Variants in IL1B observed in about 807,000 individuals in gnomAD.
IL1B encodes interleukin 1 beta.
In IL1B, 11 loss-of-function variants were observed where a neutral mutation model predicts 26.2. The observed-to-expected ratio is 0.42, with a 90% confidence interval of 0.26 to 0.70. The LOEUF is 0.70. IL1B is among the 30% of genes least tolerant of loss of function. The probability of loss-of-function intolerance (pLI) is 0.25; values close to 1 mark genes in which losing one functional copy is unlikely to be tolerated. For synonymous variants in IL1B, 118 were observed against 120.8 expected (o/e 0.98, Z 0.15); for missense variants, 255 against 327.5 (o/e 0.78, Z 1.71).
chr2:112,836,704 A>T lies in IL1B; in HGVS notation c.-16+4T>A. ...CCTAGTTGTAAGGAAGATTAAAGTC[A>T]TACTTGAGCAATGAAGATTGGCTGA... On this transcript the variant is annotated splice_donor_region_variant and intron_variant, in intron 1 of 6. Transcript: ENST00000263341. The T allele has an allele frequency of 5.9e-6, 1 of 169,674 alleles. No individual in the cohort carries two copies. Among genetic ancestry groups the T allele is most frequent in the Non-Finnish European group, 1.3e-5 (1 of 77,176 alleles). 10.5% of individuals were successfully genotyped at this position (169,674 alleles called of 1,614,324 possible).
intron 3 of IL1B, chr2:112,835,291 G>T: frequency 3.8e-6 from 2 of 522,112 alleles, no homozygotes; most frequent in Non-Finnish European, 7.0e-6. Flanking sequence ...TTGAAGACTT[G>T]GTTGTCTTCC....
At chr2:112,834,507 G>T (rs545364657) in intron 3 of IL1B, among the ~76,000 whole-genome samples, 3 of 152,320 alleles carry the variant, frequency 2.0e-5, no homozygotes, top group South Asian at 4.1e-4. Context: ...TGGTTCAAAG[G>T]CTTGAAAGAC....
rs3917360 is a variant in IL1B at position 112,832,174 on chromosome 2, G to A, written c.466+488C>T. 7.2e-3 allele frequency among the ~76,000 whole-genome samples: 1,091 copies of A among 152,232 alleles called. 8 individuals are homozygous for A. Among genetic ancestry groups the A allele is most frequent in the African/African-American group, 0.025 (1,029 of 41,526 alleles). The stretch of plus-strand genomic sequence containing the variant: ...ACTTGAAACTTTTGCCCGTTACAGC[G>A]GAGAGATATAAGTTCCTGCTGGGCG... On this transcript the variant is annotated intron_variant, in intron 5 of 6. Transcript: ENST00000263341.
Position 112,831,346 on chromosome 2 carries a change from C to A in IL1B, c.543G>T (p.Lys181Asn). Reference sequence around the variant, plus strand: ...TCAACACGCAGGACAGGTACAGATTCTTTTCCTTGAGGCCCAAGGCCACAG... The same window carrying A: ...TCAACACGCAGGACAGGTACAGATTATTTTCCTTGAGGCCCAAGGCCACAG... ...KIPVALGLKE[K>N]NLYLSCVLKD... Residue 181 changes from lysine (K) to asparagine (N), a missense_variant, in exon 6 of 7, where the codon AAG (lysine) becomes AAT (asparagine). By Grantham distance (94) the Lys-to-Asn change is moderately conservative. Coordinates refer to ENST00000263341, the MANE Select transcript of IL1B (RefSeq NM_000576.3). 1.9e-6 allele frequency: 3 copies of A among 1,614,040 alleles called. No individual in the cohort carries two copies. Among genetic ancestry groups the A allele is most frequent in the South Asian group, 1.1e-5 (1 of 91,076 alleles).
intron 4 of IL1B, 135 bp downstream of exon 4, chr2:112,833,239 C>G (rs1037317081): frequency 6.2e-6 from 5 of 800,274 alleles, no homozygotes; most frequent in Non-Finnish European, 1.1e-5. Flanking sequence ...TGGTTTCCAG[C>G]CTTCTTTGTT....
In IL1B at chr2:112,833,593, G is replaced by A. The variant is rs758284106; in HGVS notation, c.100-18C>T. 6.2e-7 allele frequency: 1 copy of A among 1,611,962 alleles called. No individual in the cohort carries two copies. The highest frequency in any genetic ancestry group is 1.1e-5 in the South Asian group (1 of 91,046). On this transcript the variant is annotated intron_variant, in intron 3 of 6. Coordinates refer to ENST00000263341, the MANE Select transcript of IL1B (RefSeq NM_000576.3). Reference sequence around the variant, plus strand: ...AAGGAGCACTGCGGAGAGAGCGAGGGAGGGAGCCTGGTGAGGTGGTCCTGC... The same window carrying A: ...AAGGAGCACTGCGGAGAGAGCGAGGAAGGGAGCCTGGTGAGGTGGTCCTGC...
At chr2:112,836,503 C>T (rs1682093434) in intron 1 of IL1B, 2 of 413,922 alleles carry the variant, frequency 4.8e-6, no homozygotes, top group African/African-American at 2.0e-5. Flanking sequence ...TAAGCAGTAT[C>T]CATTCCCAGA....
intron 1 of IL1B, 142 bp downstream of exon 1, chr2:112,836,566 T>A: frequency 3.3e-6 from 1 of 304,030 alleles, no homozygotes. Context: ...TGCAAAAAGC[T>A]GAGAGAGGGA....
intron 3 of IL1B, 109 bp downstream of exon 3, chr2:112,835,457 C>T (rs1682071129): frequency 4.5e-6 from 4 of 896,136 alleles, no homozygotes; most frequent in Admixed American, 1.8e-5. Context: ...AGGTTAAAGT[C>T]TTTCTAAAAC....
intron 4 of IL1B, 159 bp from the exon 5 acceptor site, chr2:112,832,985 G>A (rs1345215069): frequency 2.8e-6 from 2 of 721,724 alleles, no homozygotes; most frequent in Non-Finnish European, 4.9e-6. Context: ...GGGTGGCTAA[G>A]AACACTGGAC....
chr2:112,830,068 G>T lies in IL1B; in HGVS notation c.*293C>A. Reference sequence around the variant, plus strand: ...GGAGCGAATGACAGAGGGTTTCTTAGAACCAAATGTGGCCGTGGTTTCTGT... The same window carrying T: ...GGAGCGAATGACAGAGGGTTTCTTATAACCAAATGTGGCCGTGGTTTCTGT... On this transcript the variant is annotated 3_prime_UTR_variant, in exon 7 of 7. Transcript: ENST00000263341. The T allele has an allele frequency of 2.8e-6, 1 of 357,806 alleles. No individual in the cohort carries two copies. The highest frequency in any genetic ancestry group is 4.6e-5 in the South Asian group (1 of 21,766). 22.2% of individuals were successfully genotyped at this position (357,806 alleles called of 1,614,324 possible).
Position 112,830,256 on chromosome 2 carries a change from G to C in IL1B, c.*105C>G. On this transcript the variant is annotated 3_prime_UTR_variant, in exon 7 of 7. Coordinates refer to ENST00000263341, the MANE Select transcript of IL1B (RefSeq NM_000576.3). Reference sequence around the variant, plus strand: ...AGTTGGGCATTGGTGTAGACAACAGGAAAGTCCAGGCTATAGCCGTACTCA... The same window carrying C: ...AGTTGGGCATTGGTGTAGACAACAGCAAAGTCCAGGCTATAGCCGTACTCA... The C allele has an allele frequency of 1.1e-6, 1 of 948,000 alleles. No homozygotes were observed. Among genetic ancestry groups the C allele is most frequent in the Non-Finnish European group, 1.7e-6 (1 of 578,024 alleles). The allele number at this position is 948,000 out of a possible 1,614,324, so 58.7% of individuals were successfully genotyped here.
intron 4 of IL1B, chr2:112,833,049 C>T (rs1682020959): frequency 1.6e-6 from 1 of 619,902 alleles, no homozygotes; most frequent in East Asian, 2.8e-5. Flanking sequence ...CTCACTGTGG[C>T]CGAGCAACAG....
intron 4 of IL1B, 28 bp from the exon 5 acceptor site, chr2:112,832,854 G>T: frequency 6.2e-7 from 1 of 1,613,792 alleles, no homozygotes; most frequent in Non-Finnish European, 8.5e-7. Context: ...TGTTGTTTAG[G>T]TATAAAATCA....
Position 112,836,170 on chromosome 2 carries a change from C to A in IL1B, c.47+13G>T, listed in dbSNP as rs766158510. On this transcript the variant is annotated intron_variant, in intron 2 of 6. Transcript: ENST00000263341. ...GACCTGCTCATGTTACTGGTCTCAG[C>A]GTCTCCACTGACCTGTAATAAGCCA... 1 of 1,612,196 alleles carries A rather than the reference C, an allele frequency of 6.2e-7. No homozygotes were observed. The highest frequency in any genetic ancestry group is 8.5e-7 in the Non-Finnish European group (1 of 1,178,404).
In IL1B at chr2:112,833,509, G is replaced by A. The variant is rs1200416558; in HGVS notation, c.166C>T (p.His56Tyr). 1 of 1,614,192 alleles carries A rather than the reference G, an allele frequency of 6.2e-7. No homozygotes were observed. Among genetic ancestry groups the A allele is most frequent in the Non-Finnish European group, 8.5e-7 (1 of 1,180,046 alleles). ...GGIQLRISDH[H>Y]YSKGFRQAAS... ...GCCTGCCTGAAGCCCTTGCTGTAGT[G>A]GTGGTCGGAGATTCGTAGCTGGATG... Residue 56 changes from histidine (H) to tyrosine (Y), a missense_variant, in exon 4 of 7, where the codon CAC (histidine) becomes TAC (tyrosine). Transcript: ENST00000263341.
At chr2:112,830,594 G>T in intron 6 of IL1B, 21 bp from the exon 7 acceptor site, 7 of 1,560,566 alleles carry the variant, frequency 4.5e-6, no homozygotes, top group Non-Finnish European at 4.4e-6. Flanking sequence ...AGAGAAAGAA[G>T]AATTTTTGTG....
In IL1B at chr2:112,831,371, G is replaced by A. The variant is rs1298806849; in HGVS notation, c.518C>T (p.Pro173Leu). Reference protein sequence around the residue: ...VQGEESNDKIPVALGLKEKNL... With the variant: ...VQGEESNDKILVALGLKEKNL... ...CTTTTCCTTGAGGCCCAAGGCCACA[G>A]GTATTTTGTCATTACTTTCTTCTCC... is the stretch of plus-strand genomic sequence containing the variant. The change falls in exon 6 of 7, where the codon CCT becomes CTT. Residue 173 changes from proline to leucine, a missense_variant. Physicochemically the swap from Pro to Leu is moderately conservative, Grantham distance 98 (BLOSUM62 -3). Transcript: ENST00000263341. 6.2e-7 allele frequency: 1 copy of A among 1,613,852 alleles called. No individual in the cohort carries two copies. Among genetic ancestry groups the A allele is most frequent in the Non-Finnish European group, 8.5e-7 (1 of 1,179,884 alleles).
rs1682076428 is a variant in IL1B, at chr2:112,835,763, T to A, written c.48-146A>T. On this transcript the variant is annotated intron_variant, in intron 2 of 6. Transcript: ENST00000263341. ...CTGAAACACCTGGCAAGTTTCACAGTGATATGCGCAGAACAGTCCAGAAGG... is the reference window on the plus strand; with the variant it reads ...CTGAAACACCTGGCAAGTTTCACAGAGATATGCGCAGAACAGTCCAGAAGG... The A allele has an allele frequency of 4.0e-6, 3 of 754,094 alleles. No homozygotes were observed. In the South Asian group the frequency reaches 4.4e-5, roughly 11 times the overall value. The allele number at this position is 754,094 out of a possible 1,614,324, so 46.7% of individuals were successfully genotyped here. A position where few individuals can be genotyped will look rare whatever the true frequency, so the allele number is the denominator to read the frequency against.
Sources: gnomAD v4.1 joint callset for allele counts (sites outside exome capture counted in the v4.1 genomes callset) on GRCh38, gnomAD v4.1.1 for gene constraint, MANE v1.5 for transcripts, NCBI Gene and HGNC (gene_info 2026-07-23, HGNC 2026-07-21) for gene names.